SLC30A8: variants seen among roughly 807,000 people sequenced by gnomAD.
The protein encoded by SLC30A8 is solute carrier family 30 member 8, also known as proton-coupled zinc antiporter SLC30A8.
In SLC30A8, 27 loss-of-function variants were observed where a neutral mutation model predicts 36.9. The observed-to-expected ratio is 0.73, with a 90% CI of 0.54 to 1.01. The LOEUF is 1.01. Ranked by LOEUF, SLC30A8 falls within the 50% of genes least tolerant of loss-of-function variation. The pLI is 0.00. For missense variants in SLC30A8, 439 were observed against 452.0 expected (o/e 0.97, Z 0.26); for synonymous variants, 164 against 172.4 (o/e 0.95, Z 0.38).
chr8:117,054,300 C>T (rs368113525), intron 2 of SLC30A8, among the ~76,000 whole-genome samples: 35 of 151,978 alleles, frequency 2.3e-4, no homozygotes, highest in Middle Eastern at 3.4e-3. Context: ...AGGGTCTTGC[C>T]GTGTGGCCTG....
At chr8:117,152,546 C>T (rs1020624186) in intron 2 of SLC30A8, among the ~76,000 whole-genome samples, 1 of 152,172 alleles carries the variant, frequency 6.6e-6, no homozygotes, top group African/African-American at 2.4e-5. Flanking sequence ...CAGATCGCAA[C>T]ATCTAGTTTA....
intron 2 of SLC30A8, among the ~76,000 whole-genome samples, chr8:117,072,113 A>G (rs1818350519): frequency 6.6e-6 from 1 of 152,192 alleles, no homozygotes; most frequent in African/African-American, 2.4e-5. Flanking sequence ...TTGATTTCTT[A>G]CTGCTTTGGC....
At chr8:117,117,364 T>C (rs563759596) in intron 2 of SLC30A8, among the ~76,000 whole-genome samples, 1 of 152,162 alleles carries the variant, frequency 6.6e-6, no homozygotes, top group African/African-American at 2.4e-5. Flanking sequence ...TTAGGAGTTC[T>C]GAATATGTAA....
intron 1 of SLC30A8, among the ~76,000 whole-genome samples, chr8:116,965,800 A>G (rs1172694549): frequency 6.6e-6 from 1 of 152,108 alleles, no homozygotes; most frequent in African/African-American, 2.4e-5. Flanking sequence ...TCCCTGGATA[A>G]TTCTTGACAT....
rs117140360 is a variant in SLC30A8, at chr8:116,953,018, C to T, written c.-266+1899C>T. Among the ~76,000 whole-genome samples the T allele has an allele frequency of 3.8e-3, 574 of 151,426 alleles. 11 individuals carry two copies. In the East Asian group the frequency reaches 0.062, roughly 16 times the overall value. ...CCCGGTAGTTTTTCAATGCTTGCCT[C>T]CCTCCCTTTCTCTCCCCTTTTAGTA... On this transcript the variant is annotated intron_variant, in intron 1 of 10. Transcript: ENST00000427715.
intron 1 of SLC30A8, among the ~76,000 whole-genome samples, chr8:116,978,144 C>CT (rs1445206018): frequency 2.0e-5 from 3 of 152,074 alleles, no homozygotes; most frequent in Admixed American, 6.5e-5. Flanking sequence ...AGCCTAGTCT[C>CT]TAACTAGTAC....
chr8:117,030,101 A>C lies in SLC30A8; in HGVS notation c.-265-9118A>C, dbSNP rs7816802. Reference sequence around the variant, plus strand: ...GTTCTAAGAATAGCCTAGAAACAGCAGTAGAGCAAATAAAGAAGTGACCCT... The same window carrying C: ...GTTCTAAGAATAGCCTAGAAACAGCCGTAGAGCAAATAAAGAAGTGACCCT... On this transcript the variant is annotated intron_variant, in intron 1 of 10. Coordinates refer to the SLC30A8 transcript ENST00000427715. 2.1e-3 allele frequency among the ~76,000 whole-genome samples: 318 copies of C among 152,296 alleles called. 1 individual carries two copies. The highest frequency in any genetic ancestry group is 0.01 in the Middle Eastern group (3 of 294).
intron 2 of SLC30A8, among the ~76,000 whole-genome samples, chr8:117,089,183 A>G (rs1819006401): frequency 6.6e-6 from 1 of 152,130 alleles, no homozygotes; most frequent in South Asian, 2.1e-4. Flanking sequence ...TTTTCACTGT[A>G]CAATCTACCT....
intron 2 of SLC30A8, among the ~76,000 whole-genome samples, chr8:117,148,760 G>A (rs1822021576): frequency 1.3e-5 from 2 of 152,106 alleles, no homozygotes; most frequent in Non-Finnish European, 2.9e-5. Flanking sequence ...TTTCTTGCAA[G>A]ACTTATTTGT....
chr8:116,965,884 ATTT>A (rs528650121), intron 1 of SLC30A8, among the ~76,000 whole-genome samples: 1 of 138,888 alleles, frequency 7.2e-6, no homozygotes, highest in Non-Finnish European at 1.6e-5. Flanking sequence ...ATTTTTTTTA[ATTT>A]TTTTTTTTTT....
At chr8:117,112,758 C>A (rs751664602) in intron 2 of SLC30A8, among the ~76,000 whole-genome samples, 1 of 152,142 alleles carries the variant, frequency 6.6e-6, no homozygotes, top group Non-Finnish European at 1.5e-5. Context: ...ATTACAGACT[C>A]AATATCTAGT....
At chr8:117,058,840 A>G (rs1427171328) in intron 2 of SLC30A8, among the ~76,000 whole-genome samples, 2 of 152,322 alleles carry the variant, frequency 1.3e-5, no homozygotes, top group South Asian at 2.1e-4. Flanking sequence ...TCCTTTGCAT[A>G]TTGTCTGTAG....
chr8:117,018,532 TGATAGCACTGCTGTGTTG>T (rs1381640898), intron 1 of SLC30A8, among the ~76,000 whole-genome samples: 2 of 152,210 alleles, frequency 1.3e-5, no homozygotes, highest in African/African-American at 4.8e-5. Flanking sequence ...ACCACTGCCT[TGATAGCACTGCTGTGTTG>T]GATAGCACCA....
At chr8:116,962,577 A>G (rs1396635446) in intron 1 of SLC30A8, among the ~76,000 whole-genome samples, 1 of 152,002 alleles carries the variant, frequency 6.6e-6, no homozygotes, top group Non-Finnish European at 1.5e-5. Flanking sequence ...GAATAGTTTG[A>G]GTTTGTTCAG....
chr8:117,009,773 T>C (rs1001881983), intron 1 of SLC30A8, among the ~76,000 whole-genome samples: 1 of 152,212 alleles, frequency 6.6e-6, no homozygotes, highest in Admixed American at 6.5e-5. Flanking sequence ...TAACAGAGAA[T>C]ATACAGTATT....
chr8:116,987,681 T>C (rs1357584941), intron 1 of SLC30A8, among the ~76,000 whole-genome samples: 1 of 152,096 alleles, frequency 6.6e-6, no homozygotes, highest in Non-Finnish European at 1.5e-5. Flanking sequence ...TTAATACTTT[T>C]ATTATTATTA....
At chr8:117,009,339 T>C (rs547185123) in intron 1 of SLC30A8, among the ~76,000 whole-genome samples, 3 of 152,304 alleles carry the variant, frequency 2.0e-5, no homozygotes, top group African/African-American at 4.8e-5. Context: ...GAATTTCATA[T>C]TGAAAAAACT....
chr8:117,101,688 A>G (rs541431412), intron 2 of SLC30A8, among the ~76,000 whole-genome samples: 25 of 152,276 alleles, frequency 1.6e-4, no homozygotes, highest in African/African-American at 6.0e-4. Context: ...GGTGGGCACA[A>G]TCTAATCAGC....
At chr8:116,976,580 T>A (rs1273382838) in intron 1 of SLC30A8, among the ~76,000 whole-genome samples, 1 of 152,122 alleles carries the variant, frequency 6.6e-6, no homozygotes, top group Non-Finnish European at 1.5e-5. Context: ...GGGCATACTC[T>A]CCAACGTCTT....
Sources: allele counts gnomAD v4.1 joint callset (sites outside exome capture counted in the v4.1 genomes callset), GRCh38; gene constraint gnomAD v4.1.1; transcripts MANE v1.5; gene names NCBI Gene and HGNC (gene_info 2026-07-23, HGNC 2026-07-21).